The following CCDC6 variants were observed in gnomAD, a reference collection of about 807,000 sequenced individuals.
CCDC6 encodes coiled-coil domain-containing protein 6.
A neutral mutation model predicts 56.6 loss-of-function variants in CCDC6; 20 were observed. The observed-to-expected ratio is 0.35, with a 90% CI of 0.25 to 0.51. CCDC6 has a LOEUF of 0.51. Ranked by LOEUF, CCDC6 falls within the 20% of genes least tolerant of loss-of-function variation. The pLI is 0.95. For missense variants in CCDC6, 367 were observed against 601.1 expected (o/e 0.61, Z 4.07); for synonymous variants, 241 against 234.4 (o/e 1.03, Z -0.26).
chr10:59,878,975 T>C (rs2071308597), intron 1 of CCDC6, among the ~76,000 whole-genome samples: 1 of 152,168 alleles, frequency 6.6e-6, no homozygotes, highest in South Asian at 2.1e-4. Context: ...CTCAAATCCA[T>C]TTGAGAAGCA....
chr10:59,825,677 T>C (rs572418473), intron 3 of CCDC6, among the ~76,000 whole-genome samples: 21 of 152,302 alleles, frequency 1.4e-4, no homozygotes, highest in East Asian at 1.2e-3. Context: ...CAGAATTGTA[T>C]GGGAACTGGC....
chr10:59,860,544 G>A (rs538106624), intron 1 of CCDC6, among the ~76,000 whole-genome samples: 1 of 152,228 alleles, frequency 6.6e-6, no homozygotes, highest in South Asian at 2.1e-4. Context: ...TAAAAAAGCT[G>A]AGAAAATAAA....
rs1481848055 is a variant in CCDC6, at chr10:59,789,834, C to A, written c.*3083G>T. On this transcript the variant is annotated 3_prime_UTR_variant, in exon 9 of 9. Transcript: ENST00000263102. ...CATGTCTACCTAACAAAGGGTGATA[C>A]ATGTTCTATTTTCCTACAAGTGAAC... 2 of 218,624 alleles carry A rather than the reference C, an allele frequency of 9.1e-6. No homozygotes were observed. The highest frequency in any genetic ancestry group is 4.5e-5 in the African/African-American group (2 of 44,590). 13.5% of individuals were successfully genotyped at this position (218,624 alleles called of 1,614,324 possible).
chr10:59,839,570 C>T (rs1486514056), intron 2 of CCDC6, among the ~76,000 whole-genome samples: 1 of 152,136 alleles, frequency 6.6e-6, no homozygotes, highest in Non-Finnish European at 1.5e-5. Flanking sequence ...CTCTCCAACT[C>T]CTAGACATAA....
chr10:59,818,495 C>CGGGGCG (rs2070725535), intron 3 of CCDC6, among the ~76,000 whole-genome samples: 1 of 83,122 alleles, frequency 1.2e-5, no homozygotes, highest in African/African-American at 4.5e-5. Flanking sequence ...ATAATGTTGA[C>CGGGGCG]GGGGGGGGGG....
intron 5 of CCDC6, among the ~76,000 whole-genome samples, chr10:59,809,236 A>G (rs1211610808): frequency 2.6e-5 from 4 of 152,334 alleles, no homozygotes; most frequent in African/African-American, 9.6e-5. Context: ...TGCCTTTTAC[A>G]GGAAGGGTGC....
chr10:59,889,664 G>A (rs952882016), intron 1 of CCDC6, among the ~76,000 whole-genome samples: 1 of 152,126 alleles, frequency 6.6e-6, no homozygotes, highest in Non-Finnish European at 1.5e-5. Context: ...TCCAAAGTAC[G>A]CCAATGAGAT....
At chr10:59,881,662 C>CA (rs2071336152) in intron 1 of CCDC6, among the ~76,000 whole-genome samples, 1 of 152,194 alleles carries the variant, frequency 6.6e-6, no homozygotes, top group Admixed American at 6.5e-5. Flanking sequence ...GTTGAAATTA[C>CA]ACACATGCTG....
intron 1 of CCDC6, among the ~76,000 whole-genome samples, chr10:59,878,393 T>A (rs1367033838): frequency 6.6e-6 from 1 of 152,174 alleles, no homozygotes; most frequent in Admixed American, 6.5e-5. Flanking sequence ...GCACTCCTCT[T>A]CACCTTCCTT....
At chr10:59,804,553 C>A in intron 6 of CCDC6, 33 bp from the exon 7 acceptor site, 1 of 1,262,166 alleles carries the variant, frequency 7.9e-7, no homozygotes. Context: ...GATAAAACCA[C>A]CTGCATTTAA....
chr10:59,837,829 G>C (rs77148409), intron 2 of CCDC6, among the ~76,000 whole-genome samples: 1 of 135,930 alleles, frequency 7.4e-6, no homozygotes. Context: ...ACTAATATCT[G>C]TTACCCACAG....
At chr10:59,827,272 T>C (rs1405053412) in intron 3 of CCDC6, among the ~76,000 whole-genome samples, 1 of 152,212 alleles carries the variant, frequency 6.6e-6, no homozygotes, top group Non-Finnish European at 1.5e-5. Flanking sequence ...ACCTACATTT[T>C]AATAACAATG....
chr10:59,831,932 G>A (rs1230316218), intron 3 of CCDC6, among the ~76,000 whole-genome samples: 1 of 152,184 alleles, frequency 6.6e-6, no homozygotes, highest in Non-Finnish European at 1.5e-5. Flanking sequence ...TGCCATTTCT[G>A]GTTTTAGTCT....
chr10:59,851,131 G>GAAAAAAA (rs372606692), intron 2 of CCDC6, among the ~76,000 whole-genome samples: 59 of 46,680 alleles, frequency 1.3e-3, no homozygotes, highest in Admixed American at 2.5e-3. Context: ...CATGTAAATT[G>GAAAAAAA]AAAAAAAAAA....
chr10:59,790,943 T>G lies in CCDC6; in HGVS notation c.*1974A>C, dbSNP rs866218238. On this transcript the variant is annotated 3_prime_UTR_variant, in exon 9 of 9. Coordinates refer to ENST00000263102, the MANE Select transcript of CCDC6 (RefSeq NM_005436.5). ...CACAGCATTGAAATCTATAATCTCATAAAAGATTCTTATAAACATATACCA... is the reference window on the plus strand; with the variant it reads ...CACAGCATTGAAATCTATAATCTCAGAAAAGATTCTTATAAACATATACCA... The G allele has an allele frequency of 1.9e-4, 39 of 203,176 alleles. No individual in the cohort carries two copies. The highest frequency in any genetic ancestry group is 8.0e-4 in the African/African-American group (35 of 43,774). 12.6% of individuals were successfully genotyped at this position (203,176 alleles called of 1,614,324 possible). A position where few individuals can be genotyped will look rare whatever the true frequency, so the allele number is the denominator to read the frequency against.
At chr10:59,837,270 GGTGCAT>G (rs1199844635) in intron 2 of CCDC6, among the ~76,000 whole-genome samples, 6 of 152,196 alleles carry the variant, frequency 3.9e-5, no homozygotes, top group Non-Finnish European at 7.3e-5. Flanking sequence ...AGGTACCACA[GGTGCAT>G]GTGCACGCTG....
At chr10:59,803,610 C>T (rs1399859152) in intron 7 of CCDC6, among the ~76,000 whole-genome samples, 2 of 152,226 alleles carry the variant, frequency 1.3e-5, no homozygotes, top group Non-Finnish European at 2.9e-5. Context: ...TGGCCACCCA[C>T]TCCACCCTCT....
chr10:59,889,270 G>A (rs1421993807), intron 1 of CCDC6, among the ~76,000 whole-genome samples: 1 of 152,220 alleles, frequency 6.6e-6, no homozygotes, highest in Non-Finnish European at 1.5e-5. Flanking sequence ...AGGGACACGT[G>A]AGAAAGCATT....
Position 59,847,118 on chromosome 10 carries a change from T to C in CCDC6, c.453+5435A>G, listed in dbSNP as rs546458073. Among the ~76,000 whole-genome samples, 93 of 152,250 alleles carry C rather than the reference T, an allele frequency of 6.1e-4. 3 individuals carry two copies. The South Asian group carries it at 0.017, about 27-fold the overall frequency. ...CCCAGGATGGAGTGCAGTGGCGCTA[T>C]CTCGGCTCACCACAAGGTCCGCCTC... On this transcript the variant is annotated intron_variant, in intron 2 of 8. Transcript: ENST00000263102.
Sources: gnomAD v4.1 joint callset for allele counts (sites outside exome capture counted in the v4.1 genomes callset) on GRCh38, gnomAD v4.1.1 for gene constraint, MANE v1.5 for transcripts, NCBI Gene and HGNC (gene_info 2026-07-23, HGNC 2026-07-21) for gene names.